Variants in ITGA9 observed in about 807,000 individuals in gnomAD.
The protein encoded by ITGA9 is integrin subunit alpha 9.
A neutral mutation model predicts 127.8 loss-of-function variants in ITGA9; 56 were observed. The observed-to-expected ratio is 0.44, with a 90% CI of 0.35 to 0.55. ITGA9 has a LOEUF of 0.55. Ranked by LOEUF, ITGA9 falls within the 20% of genes least tolerant of loss-of-function variation. ITGA9 has a pLI of 0.00. For synonymous variants in ITGA9, 508 were observed against 514.5 expected, an observed-to-expected ratio of 0.99 and a Z score of 0.17; for missense variants, 1,196 against 1,347.1, an observed-to-expected ratio of 0.89 and a Z score of 1.76.
At chr3:37,730,004 T>C (rs1312344131) in intron 18 of ITGA9, among the ~76,000 whole-genome samples, 4 of 152,202 alleles carry the variant, frequency 2.6e-5, no homozygotes, top group African/African-American at 9.7e-5. Flanking sequence ...GCCCAGCCAA[T>C]AAATCTTTAC....
chr3:37,635,677 C>T lies in ITGA9; in HGVS notation c.1839+6341C>T, dbSNP rs1032504231. Among the ~76,000 whole-genome samples, 42 of 151,614 alleles carry T rather than the reference C, an allele frequency of 2.8e-4. 1 individual carries two copies. The highest frequency in any genetic ancestry group is 9.7e-4 in the African/African-American group (40 of 41,292). On this transcript the variant is annotated intron_variant, in intron 16 of 27. Coordinates refer to ENST00000264741, the MANE Select transcript of ITGA9 (RefSeq NM_002207.3). ...TAAGTTTTAGGGTACATGTGCACAA[C>T]GTGCAGGTTTGTTACATATGTATAC...
chr3:37,779,305 A>G (rs1402981924), intron 24 of ITGA9, among the ~76,000 whole-genome samples: 1 of 152,076 alleles, frequency 6.6e-6, no homozygotes, highest in Non-Finnish European at 1.5e-5. Flanking sequence ...GGGTTTCACC[A>G]TGTTGGCCAA....
intron 26 of ITGA9, among the ~76,000 whole-genome samples, chr3:37,786,587 C>T (rs769276279): frequency 4.0e-5 from 6 of 151,390 alleles, no homozygotes; most frequent in Non-Finnish European, 7.4e-5. Flanking sequence ...AGTAAGACTC[C>T]GTCTCAAAAA....
intron 18 of ITGA9, among the ~76,000 whole-genome samples, chr3:37,692,692 CT>C (rs1405487061): frequency 6.6e-6 from 1 of 151,694 alleles, no homozygotes; most frequent in Non-Finnish European, 1.5e-5. Flanking sequence ...GGGATATTGA[CT>C]TTTTAAAACC....
At chr3:37,543,306 G>T (rs7635471) in intron 15 of ITGA9, among the ~76,000 whole-genome samples, 6,124 of 152,224 alleles carry the variant, frequency 0.04, 398 homozygotes, top group African/African-American at 0.14. Flanking sequence ...GGAGGTGGAA[G>T]AATGCACTTA....
At position 37,494,483 on chromosome 3, in the gene ITGA9, C is replaced by T. The variant is rs1300079531; in HGVS notation, c.545-18C>T. 4 of 1,588,774 alleles carry T rather than the reference C, an allele frequency of 2.5e-6. No homozygotes were observed. In the East Asian group the frequency reaches 6.7e-5, roughly 27 times the overall value. ...TGACATGGCTGTGGTTTGCTTCTCT[C>T]TCCTTCCTTCCCCCTAGAGTATAAG... On this transcript the variant is annotated intron_variant, in intron 4 of 27. Coordinates refer to ENST00000264741, the MANE Select transcript of ITGA9 (RefSeq NM_002207.3).
At chr3:37,649,176 A>T (rs1232083000) in intron 16 of ITGA9, among the ~76,000 whole-genome samples, 2 of 152,030 alleles carry the variant, frequency 1.3e-5, no homozygotes, top group Admixed American at 1.3e-4. Flanking sequence ...GGGACAAAAG[A>T]ACAAGACACA....
intron 18 of ITGA9, among the ~76,000 whole-genome samples, chr3:37,698,906 T>C (rs1399323387): frequency 6.6e-6 from 1 of 152,222 alleles, no homozygotes; most frequent in Non-Finnish European, 1.5e-5. Context: ...TAGAGCTGCA[T>C]CTCCCATATG....
intron 17 of ITGA9, among the ~76,000 whole-genome samples, chr3:37,654,213 C>CACACACAT (rs1700455701): frequency 6.6e-6 from 1 of 151,934 alleles, no homozygotes; most frequent in African/African-American, 2.4e-5. Context: ...CACACACACA[C>CACACACAT]ACACACACAC....
At chr3:37,653,213 G>A (rs115022346) in intron 16 of ITGA9, among the ~76,000 whole-genome samples, 2,181 of 152,316 alleles carry the variant, frequency 0.014, 51 homozygotes, top group African/African-American at 0.05. Flanking sequence ...AATTGCCTTT[G>A]CCTTTTCCTG....
chr3:37,819,257 C>A lies in ITGA9; in HGVS notation c.*268C>A. ...CCGAGCAATATTTATGGATGCAACA[C>A]GCATGGTCAACCCTCAGGGGAAAAC... On this transcript the variant is annotated 3_prime_UTR_variant, in exon 28 of 28. Coordinates refer to ENST00000264741, the MANE Select transcript of ITGA9 (RefSeq NM_002207.3). The A allele has an allele frequency of 1.9e-6, 1 of 536,534 alleles. No homozygotes were observed. Among genetic ancestry groups the A allele is most frequent in the South Asian group, 2.2e-5 (1 of 45,352 alleles). The allele number at this position is 536,534 out of a possible 1,614,324, so 33.2% of individuals were successfully genotyped here.
chr3:37,772,092 A>T (rs953959270), intron 23 of ITGA9, among the ~76,000 whole-genome samples: 3 of 152,110 alleles, frequency 2.0e-5, no homozygotes, highest in Non-Finnish European at 4.4e-5. Context: ...GTTGCCTCTC[A>T]GCTTGCCTCC....
intron 18 of ITGA9, among the ~76,000 whole-genome samples, chr3:37,692,584 G>A (rs1365464228): frequency 6.6e-6 from 1 of 152,012 alleles, no homozygotes; most frequent in Admixed American, 6.5e-5. Context: ...AAATGTCTGT[G>A]TTGGCTTTTG....
chr3:37,749,071 C>T (rs1424148344), intron 22 of ITGA9: 2 of 328,642 alleles, frequency 6.1e-6, no homozygotes, highest in Admixed American at 9.0e-5. Flanking sequence ...TCTTACAGTT[C>T]TGAAGAACAG....
intron 18 of ITGA9, among the ~76,000 whole-genome samples, chr3:37,695,489 G>T (rs1449536088): frequency 2.0e-4 from 31 of 152,216 alleles, no homozygotes; most frequent in Non-Finnish European, 4.0e-4. Context: ...GTTTCTACCA[G>T]CATCTGAATT....
At chr3:37,697,247 A>AT in intron 18 of ITGA9, among the ~76,000 whole-genome samples, 1 of 151,986 alleles carries the variant, frequency 6.6e-6, no homozygotes, top group Middle Eastern at 3.4e-3. Flanking sequence ...TCCAGTAGTC[A>AT]TTTTTCAGTC....
At chr3:37,696,381 T>G (rs1324081010) in intron 18 of ITGA9, among the ~76,000 whole-genome samples, 1 of 152,212 alleles carries the variant, frequency 6.6e-6, no homozygotes, top group Admixed American at 6.5e-5. Flanking sequence ...TATAAGATGA[T>G]CTTTATCTGT....
chr3:37,675,743 CTTTTTTT>C (rs5848124), intron 17 of ITGA9, among the ~76,000 whole-genome samples: 1 of 124,550 alleles, frequency 8.0e-6, no homozygotes, highest in Admixed American at 8.3e-5. Context: ...TTAAAAACTA[CTTTTTTT>C]TTTTTTTTTT....
intron 22 of ITGA9, chr3:37,745,945 T>C (rs1696494971): frequency 1.3e-5 from 2 of 152,096 alleles, no homozygotes; most frequent in Admixed American, 1.3e-4. Flanking sequence ...CAATCCAGGG[T>C]TGAGAGAGTT....
Sources: gnomAD v4.1 joint callset for allele counts (sites outside exome capture counted in the v4.1 genomes callset) on GRCh38, gnomAD v4.1.1 for gene constraint, MANE v1.5 for transcripts, NCBI Gene and HGNC (gene_info 2026-07-23, HGNC 2026-07-21) for gene names.